The following SDR42E1 variants were observed in gnomAD, a reference collection of about 807,000 sequenced individuals.
The protein encoded by SDR42E1 is short chain dehydrogenase/reductase family 42E, member 1.
Under a neutral mutation model 2.6 loss-of-function variants are expected in SDR42E1, and 5 were observed. That is an observed-to-expected ratio of 1.94 (90% confidence interval 1.01 to 4.08). SDR42E1 has a LOEUF of 4.08. Among genes scored for constraint, SDR42E1 ranks in the 30% most tolerant of loss-of-function variants. SDR42E1 has a pLI of 0.00. For synonymous variants in SDR42E1, 231 were observed against 188.3 expected, an observed-to-expected ratio of 1.23 and a Z score of -1.86; for missense variants, 596 against 478.6, an observed-to-expected ratio of 1.25 and a Z score of -2.29.
intron 1 of SDR42E1, among the ~76,000 whole-genome samples, chr16:82,001,950 C>G (rs1179475183): frequency 1.5e-5 from 2 of 137,056 alleles, no homozygotes; most frequent in Non-Finnish European, 3.0e-5. Flanking sequence ...CTCAAAGGCA[C>G]TGGGTGCGTA....
At chr16:82,008,697 A>G (rs1419975374) in intron 1 of SDR42E1, among the ~76,000 whole-genome samples, 2 of 152,182 alleles carry the variant, frequency 1.3e-5, no homozygotes, top group Non-Finnish European at 2.9e-5. Context: ...AGGTTTGAAA[A>G]ATTTGCAGCC....
chr16:82,006,696 A>G (rs1488925400), intron 1 of SDR42E1, among the ~76,000 whole-genome samples: 1 of 152,218 alleles, frequency 6.6e-6, no homozygotes, highest in Admixed American at 6.5e-5. Flanking sequence ...CAGAAGGTTG[A>G]GGCAGGAGAA....
At chr16:82,009,222 T>A (rs1913045879) in intron 1 of SDR42E1, among the ~76,000 whole-genome samples, 1 of 152,040 alleles carries the variant, frequency 6.6e-6, no homozygotes, top group African/African-American at 2.4e-5. Flanking sequence ...AAATGTGGGG[T>A]TGGAACCACC....
Position 81,995,053 on chromosome 16 carries a change from C to T in SDR42E1, c.*4058G>A, listed in dbSNP as rs543150553. 1.3e-5 allele frequency: 2 copies of T among 152,266 alleles called. No homozygotes were observed. The highest frequency in any genetic ancestry group is 1.3e-4 in the Admixed American group (2 of 15,298). 9.4% of individuals were successfully genotyped at this position (152,266 alleles called of 1,614,324 possible). On this transcript the variant is annotated 3_prime_UTR_variant, in exon 3 of 3. Transcript: ENST00000328945. ...ACTGAGGACATCCAAGAAGTATTTC[C>T]AACAGGCTTTCCAGACCGCTCTTCC...
In SDR42E1 at chr16:81,992,168, A is replaced by T. The variant is rs1360642298; in HGVS notation, c.*6943T>A. 1 of 152,320 alleles carries T rather than the reference A, an allele frequency of 6.6e-6. No individual in the cohort carries two copies. The highest frequency in any genetic ancestry group is 2.4e-5 in the African/African-American group (1 of 41,448). 9.4% of individuals were successfully genotyped at this position (152,320 alleles called of 1,614,324 possible). On this transcript the variant is annotated 3_prime_UTR_variant, in exon 3 of 3. Transcript: ENST00000328945. ...CAAAACTCCATCTCAAAAAAAAGAA[A>T]AAAAAATTAGAAAGCCTTATCCTGA...
intron 1 of SDR42E1, among the ~76,000 whole-genome samples, chr16:82,001,834 G>A (rs575342742): frequency 2.0e-5 from 3 of 149,760 alleles, no homozygotes; most frequent in South Asian, 4.3e-4. Flanking sequence ...CCCAGGAGGC[G>A]TAGCTGGCAA....
chr16:82,009,700 G>A (rs896668562), intron 1 of SDR42E1, among the ~76,000 whole-genome samples: 5 of 152,228 alleles, frequency 3.3e-5, no homozygotes, highest in African/African-American at 9.7e-5. Flanking sequence ...ATGAGACTTT[G>A]GAGTGTGGAC....
Position 81,999,094 on chromosome 16 carries a change from T to C in SDR42E1, c.*17A>G. 6.2e-7 allele frequency: 1 copy of C among 1,608,038 alleles called. No homozygotes were observed. The highest frequency in any genetic ancestry group is 8.5e-7 in the Non-Finnish European group (1 of 1,177,400). ...CCATCTCAGCCAACTGTGATCACCT[T>C]ATTTCTGGCCCCTCCTTCACAGTGA... On this transcript the variant is annotated 3_prime_UTR_variant, in exon 3 of 3. Coordinates refer to ENST00000328945, the MANE Select transcript of SDR42E1 (RefSeq NM_145168.3).
At chr16:82,001,163 C>T (rs1399359200) in intron 1 of SDR42E1, among the ~76,000 whole-genome samples, 1 of 151,948 alleles carries the variant, frequency 6.6e-6, no homozygotes, top group Non-Finnish European at 1.5e-5. Context: ...CTTTGAGAGC[C>T]ACAAAAAACG....
chr16:82,000,309 G>A (rs1912714324), intron 2 of SDR42E1, 85 bp from the exon 3 acceptor site: 2 of 1,539,868 alleles, frequency 1.3e-6, no homozygotes, highest in Non-Finnish European at 1.8e-6. Flanking sequence ...ACCAATCAAG[G>A]TGGGGCTGAT....
chr16:81,992,295 G>C lies in SDR42E1; in HGVS notation c.*6816C>G, dbSNP rs373011407. ...GGTTAATATTGATCATTAGCTTCAT[G>C]TTGAACATTCCCAGAAGCTAAATCC... On this transcript the variant is annotated 3_prime_UTR_variant, in exon 3 of 3. Transcript: ENST00000328945. 2.6e-5 allele frequency: 4 copies of C among 152,204 alleles called. No individual in the cohort carries two copies. The East Asian group carries it at 7.7e-4, about 29-fold the overall frequency. 9.4% of individuals were successfully genotyped at this position (152,204 alleles called of 1,614,324 possible).
At position 81,999,866 on chromosome 16, in the gene SDR42E1, G is replaced by C. The variant is rs147342330; in HGVS notation, c.427C>G (p.Leu143Val). Residue 143 changes from leucine (L) to valine (V), a missense_variant, in exon 3 of 3, where the codon CTG (leucine) becomes GTG (valine). Leu to Val is a conservative substitution (Grantham distance 32, BLOSUM62 1). Coordinates refer to ENST00000328945, the MANE Select transcript of SDR42E1 (RefSeq NM_145168.3). ...IRNGDESLPY[L>V]PLHLHPDHYS... ...TGATCAGGGTGGAGGTGAAGAGGCA[G>C]GTAGGGCAGAGATTCATCCCCATTT... is the stretch of plus-strand genomic sequence containing the variant. 1.2e-6 allele frequency: 2 copies of C among 1,614,178 alleles called. No homozygotes were observed. Among genetic ancestry groups the C allele is most frequent in the African/African-American group, 1.3e-5 (1 of 75,040 alleles).
intron 1 of SDR42E1, among the ~76,000 whole-genome samples, chr16:82,009,219 G>C (rs1318581323): frequency 6.6e-6 from 1 of 152,214 alleles, no homozygotes; most frequent in East Asian, 1.9e-4. Context: ...GGGAAATGTG[G>C]GGTTGGAACC....
chr16:82,010,040 G>C (rs753371712), intron 1 of SDR42E1, among the ~76,000 whole-genome samples: 1 of 152,232 alleles, frequency 6.6e-6, no homozygotes, highest in African/African-American at 2.4e-5. Flanking sequence ...TAAGACGTAA[G>C]ATGTGACTTT....
chr16:82,005,817 A>G (rs1912914979), intron 1 of SDR42E1, among the ~76,000 whole-genome samples: 1 of 151,486 alleles, frequency 6.6e-6, no homozygotes, highest in South Asian at 2.1e-4. Flanking sequence ...AGTTAAGCAC[A>G]TGATCAAGAA....
chr16:82,002,266 G>A (rs1912794005), intron 1 of SDR42E1, among the ~76,000 whole-genome samples: 2 of 152,032 alleles, frequency 1.3e-5, no homozygotes. Flanking sequence ...AAAATATGGG[G>A]GACAGGAATA....
chr16:81,995,138 T>C lies in SDR42E1; in HGVS notation c.*3973A>G, dbSNP rs1342822219. The C allele has an allele frequency of 2.6e-5, 4 of 152,262 alleles. No individual in the cohort carries two copies. The highest frequency in any genetic ancestry group is 7.2e-5 in the African/African-American group (3 of 41,452). The allele number at this position is 152,262 out of a possible 1,614,324, so 9.4% of individuals were successfully genotyped here. On this transcript the variant is annotated 3_prime_UTR_variant, in exon 3 of 3. Transcript: ENST00000328945. ...TTAGGTTCCAATACAGGGCTCCTTG[T>C]TGCTCACACATCCTTCCTTCATTGC...
chr16:82,006,620 C>T (rs796457461), intron 1 of SDR42E1, among the ~76,000 whole-genome samples: 2 of 152,136 alleles, frequency 1.3e-5, no homozygotes, highest in African/African-American at 4.8e-5. Flanking sequence ...TGGTGAAACC[C>T]TGTCTCTACT....
chr16:82,006,030 C>A (rs1030554715), intron 1 of SDR42E1, among the ~76,000 whole-genome samples: 9 of 152,096 alleles, frequency 5.9e-5, no homozygotes, highest in Non-Finnish European at 7.4e-5. Context: ...GAAATAAGAA[C>A]CTTTGATTAC....
Sources: allele counts gnomAD v4.1 joint callset (sites outside exome capture counted in the v4.1 genomes callset), GRCh38; gene constraint gnomAD v4.1.1; transcripts MANE v1.5; gene names NCBI Gene and HGNC (gene_info 2026-07-23, HGNC 2026-07-21).